PGM5: variants seen among roughly 807,000 people sequenced by gnomAD.
The protein encoded by PGM5 is phosphoglucomutase-like protein 5.
PGM5 carries 23 observed loss-of-function variants against 59.2 expected under a neutral mutation model. That is an observed-to-expected ratio of 0.39 (90% CI 0.28 to 0.55). PGM5 has a LOEUF of 0.55. Ranked by LOEUF, PGM5 falls within the 20% of genes least tolerant of loss-of-function variation. The pLI, the probability that PGM5 is intolerant of heterozygous loss-of-function variation, is 0.66. For missense variants in PGM5, 574 were observed against 748.3 expected, an observed-to-expected ratio of 0.77 and a Z score of 2.72; for synonymous variants, 214 against 286.0, an observed-to-expected ratio of 0.75 and a Z score of 2.54.
chr9:68,519,570 C>T (rs1824868232), intron 10 of PGM5, among the ~76,000 whole-genome samples: 1 of 151,194 alleles, frequency 6.6e-6, no homozygotes. Flanking sequence ...GAAAGAAAAA[C>T]AGCTAGGTCA....
chr9:68,529,164 C>CGAGTGT (rs1655714096), intron 10 of PGM5, among the ~76,000 whole-genome samples: 1 of 131,862 alleles, frequency 7.6e-6, no homozygotes, highest in African/African-American at 2.9e-5. Flanking sequence ...CTTTTATTCT[C>CGAGTGT]GTGTGTGTGT....
chr9:68,528,652 A>G (rs1031311933), intron 10 of PGM5, among the ~76,000 whole-genome samples: 5 of 152,256 alleles, frequency 3.3e-5, no homozygotes, highest in Admixed American at 1.3e-4. Context: ...CATCATGAAC[A>G]TGAATTCAAT....
Position 68,356,942 on chromosome 9 carries a change from C to G in PGM5, c.-186C>G, listed in dbSNP as rs1834455289. The G allele has an allele frequency of 6.1e-6, 3 of 491,790 alleles. No individual in the cohort carries two copies. The highest frequency in any genetic ancestry group is 6.8e-6 in the Non-Finnish European group (2 of 295,788). 30.5% of individuals were successfully genotyped at this position (491,790 alleles called of 1,614,324 possible). A position where few individuals can be genotyped will look rare whatever the true frequency, so the allele number is the denominator to read the frequency against. On this transcript the variant is annotated 5_prime_UTR_variant, in exon 1 of 11. Coordinates refer to ENST00000396396, the MANE Select transcript of PGM5 (RefSeq NM_021965.4). Reference sequence around the variant, plus strand: ...CTGCCGAGAGAGTCAGCCGAGCGGCCGCGCGGAGAGGAGGGGCGGGCGGTC... The same window carrying G: ...CTGCCGAGAGAGTCAGCCGAGCGGCGGCGCGGAGAGGAGGGGCGGGCGGTC...
At chr9:68,406,630 C>T (rs1453351475) in intron 6 of PGM5, 1 of 128,904 alleles carries the variant, frequency 7.8e-6, no homozygotes, top group Non-Finnish European at 1.6e-5. Flanking sequence ...CAAACCATAG[C>T]ACAGGGTCTT....
chr9:68,529,588 G>A lies in PGM5; in HGVS notation c.1636G>A (p.Ala546Thr). 6.3e-7 allele frequency: 1 copy of A among 1,597,996 alleles called. No individual in the cohort carries two copies. Among genetic ancestry groups the A allele is most frequent in the East Asian group, 2.2e-5 (1 of 44,704 alleles). ...EPQAVLSPLI[A>T]IALKISQIHE... ...GCAGGCAGTGCTGAGCCCTCTCATA[G>A]CCATCGCACTGAAAATATCCCAGAT... Residue 546 changes from alanine (A) to threonine (T), a missense_variant, in exon 11 of 11, where the codon GCC becomes ACC. By Grantham distance (58) the Ala-to-Thr change is moderately conservative. Transcript: ENST00000396396.
chr9:68,472,706 G>T (rs1824041471), intron 7 of PGM5, among the ~76,000 whole-genome samples: 4 of 152,232 alleles, frequency 2.6e-5, no homozygotes, highest in Non-Finnish European at 5.9e-5. Flanking sequence ...CCAGCCCAGG[G>T]TAGAGTGCGA....
chr9:68,511,367 C>T (rs987157870), intron 10 of PGM5, among the ~76,000 whole-genome samples: 4 of 152,076 alleles, frequency 2.6e-5, no homozygotes, highest in Non-Finnish European at 5.9e-5. Flanking sequence ...GCATATGCTA[C>T]GCCCTTTTCC....
intron 6 of PGM5, chr9:68,400,590 C>T (rs1383208257): frequency 2.0e-5 from 3 of 152,562 alleles, no homozygotes; most frequent in Non-Finnish European, 2.9e-5. Context: ...GACTTTTTTA[C>T]AAAGAGACAT....
chr9:68,450,752 T>C lies in PGM5; in HGVS notation c.1044-14341T>C, dbSNP rs1554684286. On this transcript the variant is annotated intron_variant, in intron 6 of 10. Coordinates refer to ENST00000396396, the MANE Select transcript of PGM5 (RefSeq NM_021965.4). Reference sequence around the variant, plus strand: ...CTCTTTTCTGACTCTTGGAACATTGTTTCAAGATTTTCAGAGAAACTCAGT... The same window carrying C: ...CTCTTTTCTGACTCTTGGAACATTGCTTCAAGATTTTCAGAGAAACTCAGT... 3.3e-5 allele frequency among the ~76,000 whole-genome samples: 5 copies of C among 152,222 alleles called. No homozygotes were observed. In the South Asian group the frequency reaches 8.3e-4, roughly 25 times the overall value.
At chr9:68,396,726 T>C (rs1468561115) in intron 6 of PGM5, 1 of 152,216 alleles carries the variant, frequency 6.6e-6, no homozygotes, top group African/African-American at 2.4e-5. Flanking sequence ...ATGGACACTT[T>C]ATAAGCTTCT....
At chr9:68,518,521 A>G (rs1824854731) in intron 10 of PGM5, among the ~76,000 whole-genome samples, 1 of 152,242 alleles carries the variant, frequency 6.6e-6, no homozygotes, top group Non-Finnish European at 1.5e-5. Flanking sequence ...GAAATAAAGC[A>G]CTGAATGTAA....
intron 10 of PGM5, among the ~76,000 whole-genome samples, chr9:68,529,290 C>A (rs73447675): frequency 0.016 from 2,378 of 151,526 alleles, 56 homozygotes; most frequent in African/African-American, 0.052. Flanking sequence ...TCATACAGTG[C>A]TCTCATGTTT....
intron 6 of PGM5, among the ~76,000 whole-genome samples, chr9:68,464,205 C>G (rs1218618089): frequency 6.6e-6 from 1 of 152,166 alleles, no homozygotes; most frequent in African/African-American, 2.4e-5. Flanking sequence ...CCCTGTTGAG[C>G]AACATTGCAC....
chr9:68,455,206 G>T (rs1302459715), intron 6 of PGM5, among the ~76,000 whole-genome samples: 3 of 152,198 alleles, frequency 2.0e-5, no homozygotes, highest in Non-Finnish European at 4.4e-5. Flanking sequence ...GTGGAATGTG[G>T]TGTTCAATCC....
Position 68,462,071 on chromosome 9 carries a change from G to A in PGM5, c.1044-3022G>A, listed in dbSNP as rs374162058. On this transcript the variant is annotated intron_variant, in intron 6 of 10. Transcript: ENST00000396396. ...TTCCAACCTACGTCACATTTTAGGAGGTTTTAAAATTCTGACTAAAGAGTT... is the reference window on the plus strand; with the variant it reads ...TTCCAACCTACGTCACATTTTAGGAAGTTTTAAAATTCTGACTAAAGAGTT... 1.1e-4 allele frequency among the ~76,000 whole-genome samples: 17 copies of A among 152,174 alleles called. No individual in the cohort carries two copies. In the South Asian group the frequency reaches 3.5e-3, roughly 32 times the overall value.
intron 6 of PGM5, among the ~76,000 whole-genome samples, chr9:68,425,732 T>C (rs1823225618): frequency 6.6e-6 from 1 of 152,158 alleles, no homozygotes; most frequent in Non-Finnish European, 1.5e-5. Context: ...CTTGAATCAA[T>C]TGTGTTCATT....
intron 6 of PGM5, among the ~76,000 whole-genome samples, chr9:68,455,941 TG>T (rs1554684777): frequency 1.3e-5 from 2 of 152,252 alleles, no homozygotes; most frequent in Non-Finnish European, 2.9e-5. Flanking sequence ...TTCTATAATT[TG>T]GTGGCCTTGG....
chr9:68,398,650 T>C (rs145473305), intron 6 of PGM5: 4 of 152,158 alleles, frequency 2.6e-5, no homozygotes, highest in African/African-American at 7.2e-5. Flanking sequence ...ATAACCAAAC[T>C]GCACTGGAAG....
chr9:68,452,025 A>G (rs1554684366), intron 6 of PGM5, among the ~76,000 whole-genome samples: 1 of 152,242 alleles, frequency 6.6e-6, no homozygotes, highest in Non-Finnish European at 1.5e-5. Flanking sequence ...TACCTTTAGC[A>G]CAAAAGGCAC....
Sources: allele counts gnomAD v4.1 joint callset (sites outside exome capture counted in the v4.1 genomes callset), GRCh38; gene constraint gnomAD v4.1.1; transcripts MANE v1.5; gene names NCBI Gene and HGNC (gene_info 2026-07-23, HGNC 2026-07-21).